CORIN: variants seen among roughly 807,000 people sequenced by gnomAD.
CORIN encodes the protein atrial natriuretic peptide-converting enzyme.
CORIN carries 117 observed loss-of-function variants against 125.3 expected under a neutral mutation model. That is an observed-to-expected ratio of 0.93 (90% CI 0.80 to 1.09). The LOEUF (loss-of-function observed/expected upper bound fraction) is 1.09. CORIN is among the 50% of genes least tolerant of loss of function. The probability of loss-of-function intolerance (pLI) is 0.00; values close to 1 mark genes in which losing one functional copy is unlikely to be tolerated. For missense variants in CORIN, 1,253 were observed against 1,306.7 expected (o/e 0.96, Z 0.63); for synonymous variants, 450 against 466.4 (o/e 0.96, Z 0.45).
intron 11 of CORIN, among the ~76,000 whole-genome samples, chr4:47,663,662 G>C (rs1288615796): frequency 6.6e-6 from 1 of 152,030 alleles, no homozygotes; most frequent in African/African-American, 2.4e-5. Context: ...TGCTGCTTCA[G>C]GGAAATTTTT....
At chr4:47,810,004 A>G (rs1478467761) in intron 1 of CORIN, among the ~76,000 whole-genome samples, 1 of 152,158 alleles carries the variant, frequency 6.6e-6, no homozygotes. Context: ...CCTCTTCCAC[A>G]AGCACCTTCC....
At chr4:47,667,136 C>T (rs986733049) in intron 10 of CORIN, among the ~76,000 whole-genome samples, 5 of 152,184 alleles carry the variant, frequency 3.3e-5, no homozygotes, top group African/African-American at 1.2e-4. Flanking sequence ...AGGGGTTTCA[C>T]CTTTCACTTG....
chr4:47,783,679 T>C (rs1730649750), intron 3 of CORIN, among the ~76,000 whole-genome samples: 1 of 152,116 alleles, frequency 6.6e-6, no homozygotes, highest in African/African-American at 2.4e-5. Flanking sequence ...AACTCTCTGC[T>C]CAGTGTTAAT....
At chr4:47,723,909 C>T (rs36013356) in intron 5 of CORIN, among the ~76,000 whole-genome samples, 13,877 of 148,842 alleles carry the variant, frequency 0.093, 777 homozygotes, top group East Asian at 0.28. Flanking sequence ...GGCAGGAGAA[C>T]GGCGTGAACC....
chr4:47,624,952 T>G lies in CORIN; in HGVS notation c.2316-1004A>C, dbSNP rs560828966. ...GAAGATTTACTGTATTTTCATTTCTTGCTAAATTTATGTAGGGGCAAGTGC... is the reference window on the plus strand; with the variant it reads ...GAAGATTTACTGTATTTTCATTTCTGGCTAAATTTATGTAGGGGCAAGTGC... On this transcript the variant is annotated intron_variant, in intron 17 of 21. Transcript: ENST00000273857. Among the ~76,000 whole-genome samples the G allele has an allele frequency of 5.8e-4, 88 of 152,216 alleles. 1 individual carries two copies. Among genetic ancestry groups the G allele is most frequent in the Middle Eastern group, 3.4e-3 (1 of 292 alleles).
chr4:47,744,917 A>G (rs1728595094), intron 4 of CORIN, among the ~76,000 whole-genome samples: 2 of 152,208 alleles, frequency 1.3e-5, no homozygotes, highest in African/African-American at 4.8e-5. Context: ...TAACATGGAA[A>G]CGAAGGCCCT....
chr4:47,797,181 A>G (rs943708231), intron 2 of CORIN, among the ~76,000 whole-genome samples: 4 of 149,880 alleles, frequency 2.7e-5, no homozygotes, highest in African/African-American at 9.7e-5. Context: ...ATTTTACTTT[A>G]AATGTTGCAT....
At chr4:47,636,945 C>A (rs1265909789) in intron 16 of CORIN, among the ~76,000 whole-genome samples, 1 of 152,110 alleles carries the variant, frequency 6.6e-6, no homozygotes, top group Non-Finnish European at 1.5e-5. Flanking sequence ...GAGAAGAAGA[C>A]AGGAAAATGT....
chr4:47,698,271 A>T (rs1003731665), intron 5 of CORIN, among the ~76,000 whole-genome samples: 1 of 151,810 alleles, frequency 6.6e-6, no homozygotes, highest in Non-Finnish European at 1.5e-5. Context: ...TAACATTAAT[A>T]TTATTAATAT....
chr4:47,626,650 TTGGA>T (rs1722582530), intron 16 of CORIN, 129 bp from the exon 17 acceptor site: 1 of 718,350 alleles, frequency 1.4e-6, no homozygotes, highest in African/African-American at 1.7e-5. Context: ...AGAGGAGAAT[TTGGA>T]CTGTTACAAA....
At chr4:47,775,203 T>C (rs1185598974) in intron 3 of CORIN, among the ~76,000 whole-genome samples, 1 of 151,642 alleles carries the variant, frequency 6.6e-6, no homozygotes, top group Non-Finnish European at 1.5e-5. Flanking sequence ...TTAATAATTG[T>C]CTCATTTATT....
intron 10 of CORIN, among the ~76,000 whole-genome samples, chr4:47,668,804 G>A (rs1724596792): frequency 2.0e-5 from 3 of 152,160 alleles, no homozygotes; most frequent in African/African-American, 4.8e-5. Context: ...GAAAAGGAAA[G>A]GATTAAGTAA....
chr4:47,694,154 GAA>G (rs759284391), intron 5 of CORIN, among the ~76,000 whole-genome samples: 1 of 152,146 alleles, frequency 6.6e-6, no homozygotes, highest in Non-Finnish European at 1.5e-5. Context: ...CTACATTGTA[GAA>G]AATACTTAAT....
intron 12 of CORIN, 117 bp from the exon 13 acceptor site, chr4:47,653,777 G>T: frequency 1.2e-6 from 1 of 836,106 alleles, no homozygotes; most frequent in South Asian, 1.8e-5. Flanking sequence ...GTGGTCTCTT[G>T]CAAAACGAAA....
intron 16 of CORIN, among the ~76,000 whole-genome samples, chr4:47,628,551 A>C (rs1722680035): frequency 6.6e-6 from 1 of 152,036 alleles, no homozygotes; most frequent in Non-Finnish European, 1.5e-5. Context: ...ACCATGTTGT[A>C]CATTAGATCT....
At chr4:47,697,801 G>A (rs185346010) in intron 5 of CORIN, among the ~76,000 whole-genome samples, 3 of 152,100 alleles carry the variant, frequency 2.0e-5, no homozygotes, top group African/African-American at 7.2e-5. Flanking sequence ...GGTGCTGCTG[G>A]GCACTGTGCT....
chr4:47,690,110 A>T (rs1725702935), intron 6 of CORIN, among the ~76,000 whole-genome samples: 1 of 152,224 alleles, frequency 6.6e-6, no homozygotes, highest in South Asian at 2.1e-4. Context: ...AGATACCTGG[A>T]GTGCTCTTTA....
intron 1 of CORIN, among the ~76,000 whole-genome samples, chr4:47,822,703 A>G (rs1052994129): frequency 2.0e-5 from 3 of 152,228 alleles, no homozygotes; most frequent in African/African-American, 7.2e-5. Flanking sequence ...TATTGATGAC[A>G]GTCATATCCA....
intron 16 of CORIN, among the ~76,000 whole-genome samples, chr4:47,633,685 T>A (rs1471124936): frequency 1.3e-5 from 2 of 152,238 alleles, no homozygotes; most frequent in Non-Finnish European, 2.9e-5. Flanking sequence ...ATTGACAATT[T>A]AATTTTAGTT....
Sources: allele counts gnomAD v4.1 joint callset (sites outside exome capture counted in the v4.1 genomes callset), GRCh38; gene constraint gnomAD v4.1.1; transcripts MANE v1.5; gene names NCBI Gene and HGNC (gene_info 2026-07-23, HGNC 2026-07-21).